Variants in CAMTA1 observed in about 807,000 individuals in gnomAD.
CAMTA1 encodes the protein calmodulin-binding transcription activator 1.
A neutral mutation model predicts 170.9 loss-of-function variants in CAMTA1; 27 were observed. The observed-to-expected ratio is 0.16, with a 90% confidence interval of 0.12 to 0.22. The LOEUF (loss-of-function observed/expected upper bound fraction) is 0.22, where lower values mean the gene tolerates loss of function less well. Among genes scored for constraint, CAMTA1 ranks in the 10% least tolerant of loss-of-function variants. The pLI is 1.00. For missense variants in CAMTA1, 1,619 were observed against 2,217.2 expected (o/e 0.73, Z 5.42); for synonymous variants, 833 against 891.5 (o/e 0.93, Z 1.17).
At chr1:7,415,985 T>C (rs565349328) in intron 5 of CAMTA1, among the ~76,000 whole-genome samples, 1 of 152,226 alleles carries the variant, frequency 6.6e-6, no homozygotes, top group Non-Finnish European at 1.5e-5. Flanking sequence ...CGTTTGCTTG[T>C]CTGTAAAGTA....
At chr1:7,247,447 C>A (rs1665993548) in intron 4 of CAMTA1, among the ~76,000 whole-genome samples, 1 of 152,190 alleles carries the variant, frequency 6.6e-6, no homozygotes, top group South Asian at 2.1e-4. Flanking sequence ...AGGGATGGAA[C>A]AAATCACAGT....
At chr1:7,112,833 C>T (rs905515271) in intron 4 of CAMTA1, among the ~76,000 whole-genome samples, 1 of 152,312 alleles carries the variant, frequency 6.6e-6, no homozygotes, top group African/African-American at 2.4e-5. Context: ...TGCTTTGATC[C>T]CACGGGCCAT....
At chr1:7,349,474 C>T (rs937390813) in intron 5 of CAMTA1, among the ~76,000 whole-genome samples, 2 of 152,216 alleles carry the variant, frequency 1.3e-5, no homozygotes, top group Admixed American at 6.5e-5. Flanking sequence ...TAGGGCTGAT[C>T]CCATGCCATG....
chr1:7,651,914 G>C (rs1288723839), intron 7 of CAMTA1, among the ~76,000 whole-genome samples: 1 of 152,218 alleles, frequency 6.6e-6, no homozygotes, highest in Non-Finnish European at 1.5e-5. Flanking sequence ...AGCCAGCACA[G>C]GGCATCGCAC....
chr1:7,004,502 A>G (rs1307669651), intron 3 of CAMTA1, among the ~76,000 whole-genome samples: 1 of 152,096 alleles, frequency 6.6e-6, no homozygotes, highest in Non-Finnish European at 1.5e-5. Context: ...CTTCAGAACT[A>G]TGTGTTCTGC....
At chr1:7,029,362 C>T (rs1450067004) in intron 3 of CAMTA1, among the ~76,000 whole-genome samples, 2 of 151,684 alleles carry the variant, frequency 1.3e-5, no homozygotes, top group Non-Finnish European at 1.5e-5. Context: ...ATTAGCTGGG[C>T]GTGGTGGCGG....
intron 5 of CAMTA1, among the ~76,000 whole-genome samples, chr1:7,388,820 G>A (rs1369764237): frequency 6.6e-6 from 1 of 152,182 alleles, no homozygotes; most frequent in African/African-American, 2.4e-5. Flanking sequence ...CCCATGGGGG[G>A]TTCAGACACG....
intron 5 of CAMTA1, among the ~76,000 whole-genome samples, chr1:7,452,005 G>A (rs910341747): frequency 3.9e-5 from 6 of 152,220 alleles, no homozygotes; most frequent in East Asian, 1.9e-4. Context: ...GCTCCCAGCC[G>A]CAGTGCTGAG....
At chr1:7,169,556 G>A (rs1359911324) in intron 4 of CAMTA1, among the ~76,000 whole-genome samples, 1 of 152,082 alleles carries the variant, frequency 6.6e-6, no homozygotes, top group Non-Finnish European at 1.5e-5. Flanking sequence ...CCAGGCTGGA[G>A]TGCAGTAGTG....
At chr1:7,301,423 T>C (rs1674738490) in intron 5 of CAMTA1, among the ~76,000 whole-genome samples, 1 of 152,234 alleles carries the variant, frequency 6.6e-6, no homozygotes, top group Non-Finnish European at 1.5e-5. Flanking sequence ...CTTGACTTTG[T>C]GGTGGAGCGT....
In CAMTA1 at chr1:7,682,472, ATG is replaced by A. The variant is rs2096217331; in HGVS notation, c.2914+4743_2914+4744del. 6.6e-6 allele frequency among the ~76,000 whole-genome samples: 1 copy of A among 152,182 alleles called. No individual in the cohort carries two copies. Among genetic ancestry groups the A allele is most frequent in the African/African-American group, 2.4e-5 (1 of 41,444 alleles). ...CGCTCTCTGTGCTAACAGATGGAAGATGTGTCTCTGGGGCAGCCCCTAGCTCT... is the reference window on the plus strand; with the variant it reads ...CGCTCTCTGTGCTAACAGATGGAAGATGTCTCTGGGGCAGCCCCTAGCTCT... On this transcript the variant is annotated intron_variant, in intron 11 of 22. Coordinates refer to ENST00000303635, the MANE Select transcript of CAMTA1 (RefSeq NM_015215.4). The surrounding 1 kb of genome is among the most constrained non-coding windows in gnomAD (Gnocchi z 5.0).
At chr1:7,062,695 T>C (rs574203071) in intron 3 of CAMTA1, among the ~76,000 whole-genome samples, 88 of 152,298 alleles carry the variant, frequency 5.8e-4, no homozygotes, top group African/African-American at 1.8e-3. Context: ...GTCCCATAAA[T>C]TGGGTGGCTT....
intron 5 of CAMTA1, among the ~76,000 whole-genome samples, chr1:7,418,634 A>T (rs1429268351): frequency 2.6e-5 from 4 of 152,148 alleles, no homozygotes; most frequent in Non-Finnish European, 5.9e-5. Context: ...TGTCCACTCC[A>T]CATCGCCACT....
chr1:6,870,257 C>G (rs1226280984), intron 3 of CAMTA1, among the ~76,000 whole-genome samples: 5 of 151,992 alleles, frequency 3.3e-5, no homozygotes, highest in African/African-American at 9.7e-5. Context: ...TTGCATGCCT[C>G]CGAGCAACAA....
rs1474152066 is a variant in CAMTA1, at chr1:6,887,431, T to TCA, written c.234+62222_234+62223dup. ...TTTTGGATTATCATAGGCGAAGAAG[T>TCA]CAGACATATATGGTTGTATGTACAT... On this transcript the variant is annotated intron_variant, in intron 3 of 22. Transcript: ENST00000303635. The surrounding 1 kb of genome is among the most constrained non-coding windows in gnomAD (Gnocchi z 4.1). 1.3e-5 allele frequency among the ~76,000 whole-genome samples: 2 copies of TCA among 152,178 alleles called. No homozygotes were observed. Among genetic ancestry groups the TCA allele is most frequent in the African/African-American group, 4.8e-5 (2 of 41,436 alleles).
rs534844643 is a variant in CAMTA1 at position 7,631,072 on chromosome 1, C to T, written c.511-9328C>T. ...GTCCCTGAAGGCTGTTCCCCACTCC[C>T]CTGCACACCCCACAGAGGGTGTTCT... On this transcript the variant is annotated intron_variant, in intron 6 of 22. Transcript: ENST00000303635. Among the ~76,000 whole-genome samples, 7 of 152,324 alleles carry T rather than the reference C, an allele frequency of 4.6e-5. No homozygotes were observed. In the East Asian group the frequency reaches 1.4e-3, roughly 29 times the overall value.
At chr1:7,140,911 A>T (rs1017197951) in intron 4 of CAMTA1, among the ~76,000 whole-genome samples, 61 of 152,076 alleles carry the variant, frequency 4.0e-4, no homozygotes, top group African/African-American at 1.4e-3. Flanking sequence ...TTTTTCTTTT[A>T]ATTAAAAATG....
chr1:7,271,321 C>A (rs1180773023), intron 5 of CAMTA1, among the ~76,000 whole-genome samples: 1 of 152,096 alleles, frequency 6.6e-6, no homozygotes, highest in Non-Finnish European at 1.5e-5. Context: ...AATTTGCTGG[C>A]ATCTTGATCA....
intron 3 of CAMTA1, among the ~76,000 whole-genome samples, chr1:7,012,625 G>A (rs1243998355): frequency 2.0e-5 from 3 of 152,076 alleles, no homozygotes; most frequent in Non-Finnish European, 4.4e-5. Flanking sequence ...CTTGCCTGTC[G>A]GCAGCCTGTG....
Sources: allele counts gnomAD v4.1 joint callset (sites outside exome capture counted in the v4.1 genomes callset), GRCh38; gene constraint gnomAD v4.1.1; non-coding constraint Gnocchi (gnomAD v3.1); transcripts MANE v1.5; gene names NCBI Gene and HGNC (gene_info 2026-07-23, HGNC 2026-07-21).